Variants in KALRN observed in about 807,000 individuals in gnomAD.
The protein encoded by KALRN is kalirin.
Under a neutral mutation model 353.7 loss-of-function variants are expected in KALRN, and 70 were observed. That is an observed-to-expected ratio of 0.20 (90% confidence interval 0.16 to 0.24). The LOEUF (loss-of-function observed/expected upper bound fraction) is 0.24, where lower values mean the gene tolerates loss of function less well. Ranked by LOEUF, KALRN falls within the 10% of genes least tolerant of loss-of-function variation. The pLI is 1.00. For synonymous variants in KALRN, 1,391 were observed against 1,434.8 expected (o/e 0.97, Z 0.69); for missense variants, 2,791 against 3,756.7 (o/e 0.74, Z 6.72).
At chr3:124,345,168 A>G (rs1035595680) in intron 9 of KALRN, among the ~76,000 whole-genome samples, 4 of 152,228 alleles carry the variant, frequency 2.6e-5, no homozygotes, top group African/African-American at 9.6e-5. Flanking sequence ...TTCATAAACG[A>G]CCACTGGTAG....
At chr3:124,176,436 C>T (rs961038470) in intron 1 of KALRN, among the ~76,000 whole-genome samples, 3 of 152,202 alleles carry the variant, frequency 2.0e-5, no homozygotes, top group African/African-American at 7.2e-5. Flanking sequence ...GCCATGGTCT[C>T]AGTCCTCACC....
intron 9 of KALRN, among the ~76,000 whole-genome samples, chr3:124,344,333 C>T (rs1351181140): frequency 6.6e-6 from 1 of 152,218 alleles, no homozygotes; most frequent in Non-Finnish European, 1.5e-5. Context: ...AATTGTCAGG[C>T]ACTGCTGATG....
intron 1 of KALRN, among the ~76,000 whole-genome samples, chr3:124,055,494 G>A (rs1161125932): frequency 6.6e-6 from 1 of 152,148 alleles, no homozygotes; most frequent in African/African-American, 2.4e-5. Flanking sequence ...TATTCAACTT[G>A]TTATGCATAG....
chr3:124,674,697 A>G, intron 49 of KALRN, 83 bp downstream of exon 49: 1 of 1,370,682 alleles, frequency 7.3e-7, no homozygotes, highest in Non-Finnish European at 9.8e-7. Context: ...CAAAAATGCA[A>G]ACACATGGTA....
At chr3:124,594,775 A>C (rs1392498986) in intron 34 of KALRN, among the ~76,000 whole-genome samples, 1 of 151,990 alleles carries the variant, frequency 6.6e-6, no homozygotes, top group Non-Finnish European at 1.5e-5. Flanking sequence ...ATCAGCCTTT[A>C]TCTCTCCTCC....
chr3:124,651,637 CTTTTT>C (rs66520052), intron 38 of KALRN, among the ~76,000 whole-genome samples: 9 of 130,472 alleles, frequency 6.9e-5, no homozygotes, highest in Non-Finnish European at 9.7e-5. Flanking sequence ...TCTTTTCTAT[CTTTTT>C]TTTTTTTTTT....
chr3:124,083,281 TG>T (rs1212673837), intron 1 of KALRN, among the ~76,000 whole-genome samples: 1 of 152,154 alleles, frequency 6.6e-6, no homozygotes, highest in African/African-American at 2.4e-5. Flanking sequence ...GGAAGACAGA[TG>T]ATAATATGGG....
chr3:124,091,774 G>A (rs1180150934), intron 1 of KALRN, among the ~76,000 whole-genome samples: 1 of 152,136 alleles, frequency 6.6e-6, no homozygotes, highest in African/African-American at 2.4e-5. Flanking sequence ...TGACCATGAT[G>A]AAAGAAGGAG....
intron 45 of KALRN, among the ~76,000 whole-genome samples, chr3:124,663,175 G>A (rs992626638): frequency 6.6e-6 from 1 of 152,144 alleles, no homozygotes; most frequent in African/African-American, 2.4e-5. Context: ...TCGAACTCCC[G>A]ACCTCAGGTG....
chr3:124,513,334 A>G (rs1221647940), intron 33 of KALRN, among the ~76,000 whole-genome samples: 1 of 152,170 alleles, frequency 6.6e-6, no homozygotes. Flanking sequence ...AGTGGGAGAG[A>G]GAAGCAGACG....
intron 1 of KALRN, among the ~76,000 whole-genome samples, chr3:124,102,267 G>A (rs1273591757): frequency 6.6e-6 from 1 of 152,126 alleles, no homozygotes; most frequent in Non-Finnish European, 1.5e-5. Context: ...ACACCCGTTT[G>A]AAACACCATC....
rs1485090037 is a variant in KALRN, at chr3:124,187,507, C to A, written c.74-40483C>A. Among the ~76,000 whole-genome samples the A allele has an allele frequency of 2.0e-5, 3 of 152,170 alleles. No individual in the cohort carries two copies. The East Asian group carries it at 5.8e-4, about 29-fold the overall frequency. On this transcript the variant is annotated intron_variant, in intron 1 of 59. Transcript: ENST00000682506. The stretch of plus-strand genomic sequence containing the variant: ...GTCTCTATTGGCAGAAGTCCCTAAG[C>A]CTCTGGTATGAAAGGCCATCTTCAC...
chr3:124,112,920 A>ACATGT (rs1321177652), intron 1 of KALRN, among the ~76,000 whole-genome samples: 1 of 152,164 alleles, frequency 6.6e-6, no homozygotes, highest in Non-Finnish European at 1.5e-5. Flanking sequence ...TGTACTACAT[A>ACATGT]ACTGCATGTC....
chr3:124,506,781 T>G (rs2065279114), intron 33 of KALRN, among the ~76,000 whole-genome samples: 1 of 152,282 alleles, frequency 6.6e-6, no homozygotes, highest in Admixed American at 6.5e-5. Context: ...TTTCACTTAC[T>G]GTTTGCTGTT....
intron 34 of KALRN, among the ~76,000 whole-genome samples, chr3:124,571,933 A>G (rs756523930): frequency 2.0e-5 from 3 of 151,778 alleles, no homozygotes; most frequent in Non-Finnish European, 2.9e-5. Context: ...CAGCCAAAGT[A>G]TCCTATTTTT....
intron 5 of KALRN, among the ~76,000 whole-genome samples, chr3:124,277,521 T>G (rs2074878850): frequency 6.6e-6 from 1 of 152,194 alleles, no homozygotes; most frequent in Non-Finnish European, 1.5e-5. Context: ...TTAGAAACAT[T>G]AGATTCCAAA....
At chr3:124,563,590 C>T (rs1225257949) in intron 34 of KALRN, among the ~76,000 whole-genome samples, 1 of 152,210 alleles carries the variant, frequency 6.6e-6, no homozygotes, top group Non-Finnish European at 1.5e-5. Flanking sequence ...CCCAGCCAGG[C>T]TTTGAGGTCC....
chr3:124,110,804 A>T (rs2149501339), intron 1 of KALRN, among the ~76,000 whole-genome samples: 1 of 152,302 alleles, frequency 6.6e-6, no homozygotes, highest in South Asian at 2.1e-4. Context: ...TTGAGGGTGA[A>T]GCTTCCCCTC....
intron 47 of KALRN, among the ~76,000 whole-genome samples, chr3:124,670,974 G>A (rs981308874): frequency 2.6e-5 from 4 of 151,854 alleles, no homozygotes; most frequent in African/African-American, 9.7e-5. Context: ...ACCTCACCAC[G>A]CCCACATCCA....
Sources: gnomAD v4.1 joint callset for allele counts (sites outside exome capture counted in the v4.1 genomes callset) on GRCh38, gnomAD v4.1.1 for gene constraint, MANE v1.5 for transcripts, NCBI Gene and HGNC (gene_info 2026-07-23, HGNC 2026-07-21) for gene names.